Variants in AP1S2 observed in about 807,000 individuals in gnomAD.
AP1S2 encodes adaptor related protein complex 1 subunit sigma 2.
AP1S2 carries 1 observed loss-of-function variant against 14.3 expected under a neutral mutation model. That is an observed-to-expected ratio of 0.07 (90% confidence interval 0.02 to 0.33). The LOEUF (loss-of-function observed/expected upper bound fraction) is 0.33, where lower values mean the gene tolerates loss of function less well. Among genes scored for constraint, AP1S2 ranks in the 10% least tolerant of loss-of-function variants. The pLI is 0.99. For missense variants in AP1S2, 30 were observed against 117.7 expected (o/e 0.25, Z 3.45); for synonymous variants, 30 against 40.5 (o/e 0.74, Z 0.99).
chrX:15,852,210 C>A, intron 2 of AP1S2, 136 bp downstream of exon 2: 1 of 592,569 alleles, frequency 1.7e-6, no homozygotes, highest in Non-Finnish European at 2.6e-6. Context: ...TTTAAAAACA[C>A]AAAGCTTTAC....
Position 15,843,543 on chromosome X carries a change from G to A in AP1S2, c.426+1836C>T, listed in dbSNP as rs542901066. ...GCACTCCAGCCTGGGCAACAAGAGC[G>A]AAACTCCATCTCAAACAAACAAACA... is the stretch of plus-strand genomic sequence containing the variant. On this transcript the variant is annotated intron_variant, in intron 4 of 5. Transcript: ENST00000672987. 1.8e-4 allele frequency among the ~76,000 whole-genome samples: 20 copies of A among 111,771 alleles called. No individual in the cohort carries two copies. In the South Asian group the frequency reaches 6.6e-3, roughly 37 times the overall value.
intron 4 of AP1S2, among the ~76,000 whole-genome samples, chrX:15,834,129 G>A (rs1933521060): frequency 9.3e-6 from 1 of 107,904 alleles, no homozygotes; most frequent in East Asian, 2.9e-4. Flanking sequence ...AACCTGAAAC[G>A]GGCTTTCAAT....
At chrX:15,827,964 A>G (rs183176745) in intron 5 of AP1S2, among the ~76,000 whole-genome samples, 6 of 111,537 alleles carry the variant, frequency 5.4e-5, no homozygotes, top group Admixed American at 9.6e-5. Flanking sequence ...CTATGTAGCA[A>G]CCAGCACTGG....
chrX:15,853,588 T>C (rs1007356107), intron 1 of AP1S2, among the ~76,000 whole-genome samples: 2 of 112,321 alleles, frequency 1.8e-5, no homozygotes, highest in African/African-American at 6.5e-5. Flanking sequence ...CCACACCATC[T>C]TGAATTTGAA....
At chrX:15,854,662 G>T in intron 1 of AP1S2, 26 bp downstream of exon 1, 1 of 601,437 alleles carries the variant, frequency 1.7e-6, no homozygotes, top group Non-Finnish European at 2.0e-6. Flanking sequence ...CATCCCCGGC[G>T]CCCCCTTTCG....
At chrX:15,829,511 T>C (rs966941366) in intron 4 of AP1S2, among the ~76,000 whole-genome samples, 7 of 111,667 alleles carry the variant, frequency 6.3e-5, no homozygotes, top group Non-Finnish European at 1.1e-4. Context: ...CCTGCAATCT[T>C]ATATAGCATT....
intron 4 of AP1S2, chrX:15,832,840 C>T: frequency 1.0e-6 from 1 of 970,048 alleles, no homozygotes; most frequent in Non-Finnish European, 1.3e-6. Context: ...TGTAATTAGA[C>T]TTTTCAGGTA....
At chrX:15,829,305 CATAA>C (rs1184807210) in intron 4 of AP1S2, among the ~76,000 whole-genome samples, 1 of 111,852 alleles carries the variant, frequency 8.9e-6, no homozygotes, top group Admixed American at 9.5e-5. Context: ...ATCTAAATCT[CATAA>C]ATATTCAAGA....
chrX:15,843,929 T>C (rs905724122), intron 4 of AP1S2, among the ~76,000 whole-genome samples: 13 of 112,346 alleles, frequency 1.2e-4, no homozygotes, highest in African/African-American at 3.6e-4. Context: ...TTCCAATCAA[T>C]TGGTAAACCA....
At chrX:15,842,647 A>C (rs1445225428) in intron 4 of AP1S2, among the ~76,000 whole-genome samples, 1 of 112,609 alleles carries the variant, frequency 8.9e-6, no homozygotes, top group East Asian at 2.8e-4. Context: ...TTTTAAACAA[A>C]GGTTACAAGG....
At position 15,854,723 on chromosome X, in the gene AP1S2, CG is replaced by C; in HGVS notation, c.-37del. 1.3e-6 allele frequency: 1 copy of C among 774,582 alleles called. No homozygotes were observed. The highest frequency in any genetic ancestry group is 1.5e-6 in the Non-Finnish European group (1 of 649,106). 63.8% of individuals were successfully genotyped at this position (774,582 alleles called of 1,213,427 possible). On this transcript the variant is annotated 5_prime_UTR_variant, in exon 1 of 6. Transcript: ENST00000672987. ...GGCCGCGGGCGCGGCGGAGCTTGGC[CG>C]GCGGCGGCGGCGGCGGCGAAGGGGA...
chrX:15,837,348 C>G (rs1437357255), intron 4 of AP1S2, among the ~76,000 whole-genome samples: 4 of 111,616 alleles, frequency 3.6e-5, no homozygotes, highest in East Asian at 5.6e-4. Context: ...AAGAAATTAA[C>G]AAATCCCTAA....
chrX:15,835,969 T>A (rs762067745), intron 4 of AP1S2, among the ~76,000 whole-genome samples: 19 of 110,476 alleles, frequency 1.7e-4, no homozygotes, highest in Non-Finnish European at 3.2e-4. Context: ...AATAATAATA[T>A]CCTGTTCCTA....
intron 4 of AP1S2, among the ~76,000 whole-genome samples, chrX:15,838,014 A>G (rs1933705205): frequency 8.9e-6 from 1 of 112,035 alleles, no homozygotes; most frequent in Admixed American, 9.5e-5. Flanking sequence ...TGGTCTACAT[A>G]TAATATTGAA....
intron 4 of AP1S2, among the ~76,000 whole-genome samples, chrX:15,829,158 A>G (rs1250022377): frequency 9.0e-6 from 1 of 111,053 alleles, no homozygotes; most frequent in Non-Finnish European, 1.9e-5. Flanking sequence ...ACTATTTCCT[A>G]TACTCGTGAG....
chrX:15,838,273 G>C (rs1452771762), intron 4 of AP1S2, among the ~76,000 whole-genome samples: 1 of 111,186 alleles, frequency 9.0e-6, no homozygotes, highest in Non-Finnish European at 1.9e-5. Flanking sequence ...CCCTAGAGGG[G>C]CACAACTGCA....
At chrX:15,832,979 C>T in intron 4 of AP1S2, 1 of 1,128,177 alleles carries the variant, frequency 8.9e-7, no homozygotes, top group Non-Finnish European at 1.2e-6. Context: ...CCCAATGAAA[C>T]TCTTGCTGTG....
intron 4 of AP1S2, chrX:15,833,133 T>C (rs747739183): frequency 1.0e-6 from 1 of 983,102 alleles, no homozygotes; most frequent in Admixed American, 5.3e-5. Flanking sequence ...TAGTTTATCA[T>C]CTTTTTCTTT....
In AP1S2 at chrX:15,845,526, A is replaced by G. The variant is rs772683061; in HGVS notation, c.289-10T>C. ...TATCTAGTTCACAGACCTGAAAAGGAAAAAAAAAAGAAAAAAGAAAAGAAA... is the reference window on the plus strand; with the variant it reads ...TATCTAGTTCACAGACCTGAAAAGGGAAAAAAAAAGAAAAAAGAAAAGAAA... On this transcript the variant is annotated splice_polypyrimidine_tract_variant and intron_variant, in intron 3 of 5. Coordinates refer to ENST00000672987, the MANE Select transcript of AP1S2 (RefSeq NM_001272071.2). The G allele has an allele frequency of 9.2e-7, 1 of 1,083,767 alleles. No individual in the cohort carries two copies. Among genetic ancestry groups the G allele is most frequent in the Admixed American group, 2.6e-5 (1 of 38,282 alleles). 89.3% of individuals were successfully genotyped at this position (1,083,767 alleles called of 1,213,427 possible).
Sources: gnomAD v4.1 joint callset for allele counts (sites outside exome capture counted in the v4.1 genomes callset) on GRCh38, gnomAD v4.1.1 for gene constraint, MANE v1.5 for transcripts, NCBI Gene and HGNC (gene_info 2026-07-23, HGNC 2026-07-21) for gene names.